SOX5: variants seen among roughly 807,000 people sequenced by gnomAD.
The protein encoded by SOX5 is transcription factor SOX-5.
Under a neutral mutation model 92.0 loss-of-function variants are expected in SOX5, and 9 were observed. The ratio of observed to expected loss-of-function variants is 0.10; its 90% confidence interval spans 0.06 to 0.17. SOX5 has a LOEUF of 0.17. Among genes scored for constraint, SOX5 ranks in the 10% least tolerant of loss-of-function variants. The pLI, the probability that SOX5 is intolerant of heterozygous loss-of-function variation, is 1.00. For synonymous variants in SOX5, 344 were observed against 336.3 expected (o/e 1.02, Z -0.25); for missense variants, 642 against 944.5 (o/e 0.68, Z 4.20).
chr12:24,050,561 G>C (rs1448103286), intron 4 of SOX5, among the ~76,000 whole-genome samples: 3 of 152,152 alleles, frequency 2.0e-5, no homozygotes, highest in Non-Finnish European at 4.4e-5. Context: ...GTAATAATTA[G>C]ATTATTTTCT....
chr12:24,037,692 A>C (rs567320456), intron 4 of SOX5, among the ~76,000 whole-genome samples: 1 of 152,330 alleles, frequency 6.6e-6, no homozygotes, highest in South Asian at 2.1e-4. Context: ...GTTAAATATA[A>C]AATTTTAGGA....
chr12:24,165,059 T>C (rs1953236153), intron 4 of SOX5, among the ~76,000 whole-genome samples: 1 of 152,104 alleles, frequency 6.6e-6, no homozygotes, highest in Non-Finnish European at 1.5e-5. Context: ...TTGAATCATT[T>C]ATTTACAATG....
chr12:23,904,685 G>T (rs936271511), intron 1 of SOX5, among the ~76,000 whole-genome samples: 1 of 152,044 alleles, frequency 6.6e-6, no homozygotes, highest in Admixed American at 6.6e-5. Context: ...CAAAAATGTG[G>T]TCACCAACAA....
intron 8 of SOX5, among the ~76,000 whole-genome samples, chr12:23,624,038 A>G (rs1167909588): frequency 6.6e-6 from 1 of 152,150 alleles, no homozygotes; most frequent in East Asian, 1.9e-4. Flanking sequence ...ACATGCTACA[A>G]CATGGATAAA....
At chr12:23,759,263 T>C (rs1414419948) in intron 3 of SOX5, among the ~76,000 whole-genome samples, 2 of 151,996 alleles carry the variant, frequency 1.3e-5, no homozygotes, top group Non-Finnish European at 2.9e-5. Context: ...TGCCTTGCAC[T>C]CTAGGATTCT....
At chr12:24,278,366 A>G (rs7977676) in intron 2 of SOX5, among the ~76,000 whole-genome samples, 32,218 of 152,076 alleles carry the variant, frequency 0.21, 4,397 homozygotes, top group East Asian at 0.46. Context: ...TTATTAGTTT[A>G]CTCATTACTT....
chr12:24,280,481 A>T (rs1355595612), intron 2 of SOX5, among the ~76,000 whole-genome samples: 2 of 152,198 alleles, frequency 1.3e-5, no homozygotes, highest in Admixed American at 1.3e-4. Flanking sequence ...CATTTTAAAA[A>T]CAAACACAGC....
chr12:23,576,562 T>C (rs1278852893), intron 9 of SOX5, among the ~76,000 whole-genome samples: 1 of 152,212 alleles, frequency 6.6e-6, no homozygotes, highest in Non-Finnish European at 1.5e-5. Flanking sequence ...GTTTCTCTTA[T>C]ACTATATGTG....
chr12:23,769,963 T>C (rs2141500612), intron 3 of SOX5, among the ~76,000 whole-genome samples: 1 of 151,826 alleles, frequency 6.6e-6, no homozygotes, highest in African/African-American at 2.4e-5. Context: ...TATAATGAGA[T>C]GGCCGGGTGT....
chr12:24,173,685 A>C (rs1954460114), intron 4 of SOX5, among the ~76,000 whole-genome samples: 1 of 152,162 alleles, frequency 6.6e-6, no homozygotes, highest in Non-Finnish European at 1.5e-5. Context: ...GGGCGGGGGA[A>C]GTGATATTTT....
chr12:24,070,093 A>G (rs767923243), intron 4 of SOX5, among the ~76,000 whole-genome samples: 8 of 152,208 alleles, frequency 5.3e-5, no homozygotes, highest in Non-Finnish European at 1.2e-4. Flanking sequence ...GTTTGCCGCA[A>G]CAACACTAAT....
intron 2 of SOX5, among the ~76,000 whole-genome samples, chr12:24,296,736 G>A (rs1159009076): frequency 6.7e-6 from 1 of 149,574 alleles, no homozygotes; most frequent in Admixed American, 6.7e-5. Context: ...AATATGTTCT[G>A]TAGATTTCTT....
intron 1 of SOX5, among the ~76,000 whole-genome samples, chr12:24,407,158 G>A (rs188500945): frequency 6.6e-6 from 1 of 152,244 alleles, no homozygotes; most frequent in East Asian, 1.9e-4. Context: ...GTGATAGCAT[G>A]CCCCTATGTG....
chr12:23,684,747 C>A (rs1566962007), intron 6 of SOX5, among the ~76,000 whole-genome samples: 1 of 152,096 alleles, frequency 6.6e-6, no homozygotes, highest in African/African-American at 2.4e-5. Context: ...TAAAGGCTTC[C>A]CAACTGCGGG....
chr12:24,368,230 T>C (rs1226029138), intron 2 of SOX5: 4 of 152,356 alleles, frequency 2.6e-5, no homozygotes, highest in Admixed American at 6.5e-5. Context: ...TAATGTGTGA[T>C]GTGCTTTGGT....
In SOX5 at chr12:24,417,923, C is replaced by G. The variant is rs181922557; in HGVS notation, c.-250-49284G>C. On this transcript the variant is annotated intron_variant, in intron 1 of 4. Transcript: ENST00000446891. ...CAAGTTTAATCATATTTCACAGAAG[C>G]TGGTTTTCACTGAGCTCATTTAGAG... Among the ~76,000 whole-genome samples, 30 of 152,306 alleles carry G rather than the reference C, an allele frequency of 2.0e-4. No individual in the cohort carries two copies. In the East Asian group the frequency reaches 5.4e-3, roughly 27 times the overall value.
intron 4 of SOX5, among the ~76,000 whole-genome samples, chr12:24,011,171 A>G (rs1379888872): frequency 1.3e-5 from 2 of 152,230 alleles, no homozygotes; most frequent in East Asian, 3.8e-4. Context: ...CTACTTACAT[A>G]TAGGCAGAAT....
At chr12:24,410,002 CT>C (rs34124767) in intron 1 of SOX5, among the ~76,000 whole-genome samples, 29,280 of 146,298 alleles carry the variant, frequency 0.2, 2,796 homozygotes, top group Non-Finnish European at 0.22. Context: ...CACATAGCAA[CT>C]TTTTTTTTTT....
intron 2 of SOX5, among the ~76,000 whole-genome samples, chr12:24,344,037 CA>C (rs113126922): frequency 2.6e-4 from 40 of 152,190 alleles, no homozygotes; most frequent in African/African-American, 9.2e-4. Flanking sequence ...GTAATCTCAG[CA>C]CTTTGGGAGG....
Sources: gnomAD v4.1 joint callset for allele counts (sites outside exome capture counted in the v4.1 genomes callset) on GRCh38, gnomAD v4.1.1 for gene constraint, MANE v1.5 for transcripts, NCBI Gene and HGNC (gene_info 2026-07-23, HGNC 2026-07-21) for gene names.